Variants in NDUFAF6 observed in about 807,000 individuals in gnomAD.
The protein encoded by NDUFAF6 is NADH:ubiquinone oxidoreductase complex assembly factor 6.
A neutral mutation model predicts 40.8 loss-of-function variants in NDUFAF6; 45 were observed. The ratio of observed to expected loss-of-function variants is 1.10; its 90% CI spans 0.87 to 1.42. NDUFAF6 has a LOEUF of 1.42. NDUFAF6 is among the 40% of genes most tolerant of loss of function. The pLI is 0.00. For missense variants in NDUFAF6, 435 were observed against 418.5 expected (o/e 1.04, Z -0.34); for synonymous variants, 185 against 155.9 (o/e 1.19, Z -1.39).
chr8:94,954,102 C>T (rs1395217228), upstream of NDUFAF6, among the ~76,000 whole-genome samples: 3 of 152,112 alleles, frequency 2.0e-5, no homozygotes, highest in Non-Finnish European at 2.9e-5. Flanking sequence ...CTCGCTTCGT[C>T]GCCAGGCTGG....
chr8:94,990,964 C>CT (rs1308865129), intron 2 of NDUFAF6, among the ~76,000 whole-genome samples: 4 of 152,206 alleles, frequency 2.6e-5, no homozygotes, highest in Non-Finnish European at 5.9e-5. Flanking sequence ...CGCGAAGGGA[C>CT]TTTTCTTAAC....
Position 94,952,412 on chromosome 8 carries a change from C to T in NDUFAF6, c.-798-5583C>T, listed in dbSNP as rs184312838. ...ATGGCAAAGTGAAGTCCACTTAGGT[C>T]GTTTTCTATCTACCCATCAACAGTT... On this transcript the variant is annotated intron_variant, in intron 2 of 14. Coordinates refer to the NDUFAF6 transcript ENST00000396113. Among the ~76,000 whole-genome samples the T allele has an allele frequency of 2.1e-3, 314 of 152,304 alleles. 2 individuals are homozygous for T. The highest frequency in any genetic ancestry group is 0.01 in the Middle Eastern group (3 of 294).
At chr8:95,052,070 TGA>T in intron 7 of NDUFAF6, 102 bp from the exon 8 acceptor site, 1 of 1,062,450 alleles carries the variant, frequency 9.4e-7, no homozygotes. Context: ...TTCTTGCATT[TGA>T]GAGAGGCCCT....
At chr8:95,061,526 T>C (rs1177716936), downstream of NDUFAF6, among the ~76,000 whole-genome samples, 1 of 152,190 alleles carries the variant, frequency 6.6e-6, no homozygotes, top group African/African-American at 2.4e-5. Flanking sequence ...AGGGAATGCA[T>C]TAAAATAATT....
intron 4 of NDUFAF6, among the ~76,000 whole-genome samples, chr8:95,113,375 C>A (rs765602238): frequency 2.0e-5 from 3 of 152,158 alleles, no homozygotes; most frequent in Admixed American, 1.3e-4. Context: ...GGTATAAGCG[C>A]TGGGAGGGAG....
intron 9 of NDUFAF6, chr8:95,073,186 C>G (rs887654298): frequency 6.6e-6 from 1 of 152,604 alleles, no homozygotes; most frequent in Non-Finnish European, 1.5e-5. Context: ...CGGAGCTGTG[C>G]GAGTTCGGTG....
chr8:95,022,588 C>CAA (rs77755094), upstream of NDUFAF6, among the ~76,000 whole-genome samples: 1,554 of 111,302 alleles, frequency 0.014, 24 homozygotes, highest in African/African-American at 0.048. Flanking sequence ...TTTACCCCTC[C>CAA]AAAAAAAAAA....
chr8:94,982,611 C>T (rs1825538584), intron 2 of NDUFAF6, among the ~76,000 whole-genome samples: 1 of 152,212 alleles, frequency 6.6e-6, no homozygotes, highest in African/African-American at 2.4e-5. Flanking sequence ...CCAAGCTGTC[C>T]TCTGATCTGT....
downstream of NDUFAF6, among the ~76,000 whole-genome samples, chr8:95,117,889 C>T (rs950334395): frequency 6.6e-6 from 1 of 152,210 alleles, no homozygotes; most frequent in Non-Finnish European, 1.5e-5. Flanking sequence ...AGTAGATGTT[C>T]TGGTTATTGA....
intron 2 of NDUFAF6, among the ~76,000 whole-genome samples, chr8:95,002,133 T>TATATATATA (rs1826763986): frequency 6.6e-6 from 1 of 152,228 alleles, no homozygotes; most frequent in Admixed American, 6.5e-5. Flanking sequence ...TGGTTTTATA[T>TATATATATA]TTCCAGAATA....
At chr8:94,919,222 C>T (rs957321888) in intron 1 of NDUFAF6, among the ~76,000 whole-genome samples, 2 of 151,990 alleles carry the variant, frequency 1.3e-5, no homozygotes, top group African/African-American at 2.4e-5. Flanking sequence ...TGCTCTGTCA[C>T]CCAGGTTGGA....
At chr8:95,036,333 G>T (rs1214871596) in intron 3 of NDUFAF6, 7 of 1,287,742 alleles carry the variant, frequency 5.4e-6, no homozygotes, top group Non-Finnish European at 6.1e-6. Flanking sequence ...TGTAACAGGA[G>T]CCACCCACAG....
intron 2 of NDUFAF6, among the ~76,000 whole-genome samples, chr8:95,082,977 G>T (rs1808927557): frequency 6.6e-6 from 1 of 152,072 alleles, no homozygotes; most frequent in Non-Finnish European, 1.5e-5. Context: ...GACAGAGTCT[G>T]TATGTATTGC....
At chr8:95,078,851 C>T (rs886400912), downstream of NDUFAF6, among the ~76,000 whole-genome samples, 7 of 151,920 alleles carry the variant, frequency 4.6e-5, no homozygotes, top group African/African-American at 1.7e-4. Context: ...GTGTGCAGTT[C>T]AGATTTGTCC....
intron 9 of NDUFAF6, among the ~76,000 whole-genome samples, chr8:95,073,886 T>C (rs2132040191): frequency 6.6e-6 from 1 of 152,332 alleles, no homozygotes; most frequent in East Asian, 1.9e-4. Flanking sequence ...AATCAACTGC[T>C]TTTAATGGAA....
At position 95,048,486 on chromosome 8, in the gene NDUFAF6, G is replaced by C; in HGVS notation, c.744G>C (p.Arg248=). The change falls in exon 7 of 9, where the codon CGG becomes CGC. Residue 248 remains arginine, a synonymous_variant. Transcript: ENST00000396124. ...LHGVSQEDFL[R]RNQDKNVRDV... ...GTGTTTCACAAGAGGACTTTCTACG[G>C]AGGAACCAAGATAAAAATGTGAGAG... The C allele has an allele frequency of 6.2e-7, 1 of 1,613,996 alleles. No individual in the cohort carries two copies. The highest frequency in any genetic ancestry group is 8.5e-7 in the Non-Finnish European group (1 of 1,179,932).
At chr8:95,001,002 G>A (rs1241315694) in intron 2 of NDUFAF6, among the ~76,000 whole-genome samples, 1 of 149,842 alleles carries the variant, frequency 6.7e-6, no homozygotes, top group Non-Finnish European at 1.5e-5. Flanking sequence ...GTCTCCCAAG[G>A]TGGAGTACAG....
chr8:95,007,628 C>T (rs957734963), intron 2 of NDUFAF6, among the ~76,000 whole-genome samples: 14 of 147,890 alleles, frequency 9.5e-5, no homozygotes, highest in Non-Finnish European at 1.8e-4. Flanking sequence ...CATGCCACTG[C>T]ACTCCAGCCT....
chr8:94,941,167 A>G, intron 1 of NDUFAF6: 1 of 426,956 alleles, frequency 2.3e-6, no homozygotes, highest in East Asian at 3.8e-5. Context: ...ACATACACAC[A>G]TACCCTTAGA....
Sources: allele counts gnomAD v4.1 joint callset (sites outside exome capture counted in the v4.1 genomes callset), GRCh38; gene constraint gnomAD v4.1.1; transcripts MANE v1.5; gene names NCBI Gene and HGNC (gene_info 2026-07-23, HGNC 2026-07-21).